The following PHF2 variants were observed in gnomAD, a reference collection of about 807,000 sequenced individuals.
The protein encoded by PHF2 is lysine-specific demethylase PHF2.
Under a neutral mutation model 120.5 loss-of-function variants are expected in PHF2, and 27 were observed. The ratio of observed to expected loss-of-function variants is 0.22; its 90% CI spans 0.17 to 0.31. The LOEUF (loss-of-function observed/expected upper bound fraction) is 0.31. PHF2 is among the 10% of genes least tolerant of loss of function. The pLI, the probability that PHF2 is intolerant of heterozygous loss-of-function variation, is 1.00. For synonymous variants in PHF2, 568 were observed against 592.5 expected (o/e 0.96, Z 0.60); for missense variants, 1,024 against 1,434.8 (o/e 0.71, Z 4.63).
chr9:93,654,701 C>CT, intron 7 of PHF2, 126 bp downstream of exon 7: 1 of 922,276 alleles, frequency 1.1e-6, no homozygotes, highest in South Asian at 1.5e-5. Context: ...TGCCTGCTCC[C>CT]TTGTCCTGAG....
intron 1 of PHF2, among the ~76,000 whole-genome samples, chr9:93,612,813 G>T (rs919905608): frequency 2.0e-5 from 3 of 152,192 alleles, no homozygotes; most frequent in African/African-American, 7.2e-5. Context: ...CCCGGGAGGG[G>T]TGTCCCCCAC....
intron 12 of PHF2, 104 bp downstream of exon 12, chr9:93,660,664 C>T: frequency 9.0e-7 from 1 of 1,116,956 alleles, no homozygotes; most frequent in African/African-American, 1.6e-5. Context: ...GTCCTTGTTC[C>T]CCAGGGGCCC....
intron 1 of PHF2, among the ~76,000 whole-genome samples, chr9:93,612,101 C>T (rs1825645884): frequency 6.6e-6 from 1 of 152,214 alleles, no homozygotes; most frequent in Admixed American, 6.5e-5. Context: ...CTTTGCTGAA[C>T]AATATACATC....
At chr9:93,596,342 A>G (rs1825332290) in intron 1 of PHF2, among the ~76,000 whole-genome samples, 1 of 152,142 alleles carries the variant, frequency 6.6e-6, no homozygotes, top group African/African-American at 2.4e-5. Flanking sequence ...GCCCAAATTC[A>G]GCACCAGGGA....
At chr9:93,596,868 C>T (rs1825342832) in intron 1 of PHF2, among the ~76,000 whole-genome samples, 1 of 151,764 alleles carries the variant, frequency 6.6e-6, no homozygotes, top group African/African-American at 2.4e-5. Context: ...AAGCGATTCT[C>T]CTGCCTCAGT....
chr9:93,654,879 G>A (rs927513444), intron 7 of PHF2, among the ~76,000 whole-genome samples: 3 of 152,136 alleles, frequency 2.0e-5, no homozygotes, highest in African/African-American at 4.8e-5. Context: ...CCAGTCACCC[G>A]CCTTCTCATC....
At chr9:93,614,933 T>C (rs1181410163) in intron 1 of PHF2, among the ~76,000 whole-genome samples, 1 of 151,716 alleles carries the variant, frequency 6.6e-6, no homozygotes, top group East Asian at 1.9e-4. Flanking sequence ...GTGATGGTGA[T>C]GATGGCAATG....
chr9:93,655,476 G>A (rs1826442788), intron 7 of PHF2, among the ~76,000 whole-genome samples: 1 of 152,188 alleles, frequency 6.6e-6, no homozygotes, highest in South Asian at 2.1e-4. Flanking sequence ...CTGGGGACCA[G>A]TCCCAGCTGC....
At position 93,610,148 on chromosome 9, in the gene PHF2, T is replaced by A. The variant is rs574827049; in HGVS notation, c.99-19822T>A. ...GGATCTGTGGTTTGCTTGCTGTTAT[T>A]AATTTTGGAAAATCCTCAGCTGTTA... On this transcript the variant is annotated intron_variant, in intron 1 of 21. Transcript: ENST00000359246. 5.3e-5 allele frequency among the ~76,000 whole-genome samples: 8 copies of A among 152,320 alleles called. No homozygotes were observed. In the South Asian group the frequency reaches 1.5e-3, roughly 28 times the overall value.
intron 2 of PHF2, among the ~76,000 whole-genome samples, chr9:93,634,194 G>A (rs955716857): frequency 3.9e-5 from 6 of 152,176 alleles, no homozygotes; most frequent in African/African-American, 1.4e-4. Flanking sequence ...AGGCAGGGAA[G>A]GCACTTTGTG....
chr9:93,645,232 A>G (rs10821189), intron 3 of PHF2, among the ~76,000 whole-genome samples: 53,991 of 152,020 alleles, frequency 0.36, 9,963 homozygotes, highest in Non-Finnish European at 0.4. Context: ...GAGAAGGGGT[A>G]CAAGGGAGGT....
At chr9:93,671,108 G>A (rs1389090333) in intron 17 of PHF2, 1 of 972,578 alleles carries the variant, frequency 1.0e-6, no homozygotes, top group Non-Finnish European at 1.2e-6. Context: ...AGACGCAGGT[G>A]GGGGTGCATG....
chr9:93,678,057 C>T lies in PHF2; in HGVS notation c.*381C>T. 5.5e-6 allele frequency: 1 copy of T among 180,696 alleles called. No individual in the cohort carries two copies. 11.2% of individuals were successfully genotyped at this position (180,696 alleles called of 1,614,324 possible). A position where few individuals can be genotyped will look rare whatever the true frequency, so the allele number is the denominator to read the frequency against. Reference sequence around the variant, plus strand: ...GACAGAGTGAGCCAATGCTCACCAGCCCCAGAGTCAGAGCTGGCCACAGGC... The same window carrying T: ...GACAGAGTGAGCCAATGCTCACCAGTCCCAGAGTCAGAGCTGGCCACAGGC... On this transcript the variant is annotated 3_prime_UTR_variant, in exon 22 of 22. Coordinates refer to ENST00000359246, the MANE Select transcript of PHF2 (RefSeq NM_005392.4).
chr9:93,633,998 G>A (rs947021477), intron 2 of PHF2, among the ~76,000 whole-genome samples: 8 of 152,152 alleles, frequency 5.3e-5, no homozygotes, highest in African/African-American at 1.9e-4. Flanking sequence ...CGCTGTCCTG[G>A]ACCTTCATTG....
intron 1 of PHF2, among the ~76,000 whole-genome samples, chr9:93,607,813 A>G (rs1161062485): frequency 6.6e-6 from 1 of 152,136 alleles, no homozygotes; most frequent in African/African-American, 2.4e-5. Flanking sequence ...TAAGAAAGCA[A>G]TTGACTTTTG....
chr9:93,663,166 T>C (rs1358438341), intron 13 of PHF2, 140 bp downstream of exon 13: 1 of 1,183,824 alleles, frequency 8.4e-7, no homozygotes, highest in African/African-American at 1.5e-5. Context: ...TGCTGTGGGG[T>C]GTGCTTACGT....
At chr9:93,629,911 G>A (rs1432268151) in intron 1 of PHF2, 59 bp from the exon 2 acceptor site, 4 of 1,530,420 alleles carry the variant, frequency 2.6e-6, no homozygotes, top group Non-Finnish European at 1.8e-6. Context: ...CTTCGCAGAT[G>A]GAAAGTGCTT....
chr9:93,612,090 T>C (rs924140732), intron 1 of PHF2, among the ~76,000 whole-genome samples: 9 of 152,232 alleles, frequency 5.9e-5, no homozygotes, highest in African/African-American at 1.9e-4. Flanking sequence ...CAACTTGTGC[T>C]CTTTGCTGAA....
intron 1 of PHF2, among the ~76,000 whole-genome samples, chr9:93,623,177 G>A (rs1382765770): frequency 2.0e-5 from 3 of 152,212 alleles, no homozygotes; most frequent in African/African-American, 7.2e-5. Context: ...TCACATGGAT[G>A]TAGGGTCTGA....
Sources: allele counts gnomAD v4.1 joint callset (sites outside exome capture counted in the v4.1 genomes callset), GRCh38; gene constraint gnomAD v4.1.1; transcripts MANE v1.5; gene names NCBI Gene and HGNC (gene_info 2026-07-23, HGNC 2026-07-21).